EPB41L2: variants seen among roughly 807,000 people sequenced by gnomAD.
EPB41L2 encodes erythrocyte membrane protein band 4.1 like 2.
Under a neutral mutation model 113.0 loss-of-function variants are expected in EPB41L2, and 43 were observed. That is an observed-to-expected ratio of 0.38 (90% CI 0.30 to 0.49). EPB41L2 has a LOEUF of 0.49. Among genes scored for constraint, EPB41L2 ranks in the 20% least tolerant of loss-of-function variants. The pLI is 0.95. For synonymous variants in EPB41L2, 442 were observed against 436.7 expected, an observed-to-expected ratio of 1.01 and a Z score of -0.15; for missense variants, 1,147 against 1,223.4, an observed-to-expected ratio of 0.94 and a Z score of 0.93.
Position 130,840,188 on chromosome 6 carries a change from A to C in EPB41L2, c.*416T>G, listed in dbSNP as rs1373157171. ...GAAAGCCACTATCTAAATTAGTCACAGAGTTTCCTTTCTGCGCAACAGCAC... is the reference window on the plus strand; with the variant it reads ...GAAAGCCACTATCTAAATTAGTCACCGAGTTTCCTTTCTGCGCAACAGCAC... On this transcript the variant is annotated 3_prime_UTR_variant, in exon 20 of 20. Coordinates refer to ENST00000337057, the MANE Select transcript of EPB41L2 (RefSeq NM_001431.4). 1 of 152,618 alleles carries C rather than the reference A, an allele frequency of 6.6e-6. No individual in the cohort carries two copies. The allele number at this position is 152,618 out of a possible 1,614,324, so 9.5% of individuals were successfully genotyped here.
intron 19 of EPB41L2, among the ~76,000 whole-genome samples, chr6:130,851,468 G>A (rs1778761056): frequency 6.6e-6 from 1 of 152,232 alleles, no homozygotes; most frequent in Admixed American, 6.5e-5. Context: ...CGGGTGGGAT[G>A]TCTAAGAGGT....
intron 5 of EPB41L2, among the ~76,000 whole-genome samples, chr6:130,905,462 A>G (rs1797462260): frequency 6.6e-6 from 1 of 150,498 alleles, no homozygotes; most frequent in African/African-American, 2.5e-5. Context: ...TCTGTCGCCC[A>G]GGTTGCAGTG....
intron 14 of EPB41L2, among the ~76,000 whole-genome samples, chr6:130,874,551 C>G (rs544831976): frequency 6.6e-6 from 1 of 151,686 alleles, no homozygotes; most frequent in Non-Finnish European, 1.5e-5. Context: ...TAAAGAAAAA[C>G]AAAAAAGATA....
intron 8 of EPB41L2, 32 bp downstream of exon 8, chr6:130,899,459 T>G: frequency 6.3e-7 from 1 of 1,576,196 alleles, no homozygotes; most frequent in Non-Finnish European, 8.7e-7. Flanking sequence ...AACAGACTAC[T>G]ATGATGCTAC....
chr6:130,976,106 C>T (rs905633830), intron 1 of EPB41L2, among the ~76,000 whole-genome samples: 1 of 152,154 alleles, frequency 6.6e-6, no homozygotes, highest in Admixed American at 6.5e-5. Context: ...ATCTACCAAT[C>T]GTCATGCAAG....
intron 1 of EPB41L2, among the ~76,000 whole-genome samples, chr6:130,992,442 G>C (rs1043023711): frequency 6.6e-6 from 1 of 151,998 alleles, no homozygotes; most frequent in Admixed American, 6.6e-5. Flanking sequence ...GTAGTCAATG[G>C]AACATTTTAT....
intron 1 of EPB41L2, among the ~76,000 whole-genome samples, chr6:130,966,113 G>T (rs754878946): frequency 6.6e-6 from 1 of 152,102 alleles, no homozygotes; most frequent in Non-Finnish European, 1.5e-5. Flanking sequence ...AGCTTTCCTG[G>T]GCCTCCTGCG....
At position 131,060,653 on chromosome 6, in the gene EPB41L2, G is replaced by A. The variant is rs563210290; in HGVS notation, c.-15+2502C>T. On this transcript the variant is annotated intron_variant, in intron 1 of 19. Transcript: ENST00000337057. Reference sequence around the variant, plus strand: ...ACAAAACTCATTTGGAAACCTCCAAGTGCTAGCATTATCTAATGATGGACC... The same window carrying A: ...ACAAAACTCATTTGGAAACCTCCAAATGCTAGCATTATCTAATGATGGACC... Among the ~76,000 whole-genome samples the A allele has an allele frequency of 2.0e-4, 30 of 152,322 alleles. 1 individual carries two copies. The highest frequency in any genetic ancestry group is 7.2e-4 in the African/African-American group (30 of 41,564).
intron 11 of EPB41L2, among the ~76,000 whole-genome samples, 170 bp downstream of exon 11, chr6:130,890,124 A>C (rs1792301985): frequency 6.6e-6 from 1 of 152,182 alleles, no homozygotes; most frequent in Admixed American, 6.5e-5. Flanking sequence ...TCTAAAACAC[A>C]ACAAAATTAT....
chr6:131,040,465 T>C (rs1317540479), intron 1 of EPB41L2, among the ~76,000 whole-genome samples: 1 of 152,158 alleles, frequency 6.6e-6, no homozygotes, highest in African/African-American at 2.4e-5. Context: ...AAATGGTTAA[T>C]TTTAGGTATG....
chr6:130,899,379 A>T, intron 8 of EPB41L2, 112 bp downstream of exon 8: 1 of 821,934 alleles, frequency 1.2e-6, no homozygotes, highest in Non-Finnish European at 2.0e-6. Context: ...CCCTCAATTG[A>T]AAGCAAATAT....
intron 13 of EPB41L2, chr6:130,878,461 A>ACTT (rs1350193969): frequency 1.3e-5 from 6 of 479,532 alleles, no homozygotes; most frequent in Non-Finnish European, 2.2e-5. Context: ...GTCAATGCGT[A>ACTT]CTTCTTCAAT....
rs774412525 is a variant in EPB41L2 at position 130,870,143 on chromosome 6, G to T, written c.2044-17C>A. The T allele has an allele frequency of 6.3e-7, 1 of 1,576,362 alleles. No homozygotes were observed. The highest frequency in any genetic ancestry group is 1.2e-5 in the South Asian group (1 of 85,002). On this transcript the variant is annotated splice_polypyrimidine_tract_variant and intron_variant, in intron 14 of 19. Transcript: ENST00000337057. Reference sequence around the variant, plus strand: ...ATGTGAACTCTGTACAAAAAAAGATGGATGAGGGAAAACAAAAATATATGA... The same window carrying T: ...ATGTGAACTCTGTACAAAAAAAGATTGATGAGGGAAAACAAAAATATATGA...
chr6:131,021,816 T>C (rs1235714752), intron 1 of EPB41L2, among the ~76,000 whole-genome samples: 2 of 152,178 alleles, frequency 1.3e-5, no homozygotes, highest in African/African-American at 4.8e-5. Context: ...CTAAGGCACC[T>C]AGTTGGTAAG....
At chr6:130,923,816 A>T (rs1426870079) in intron 4 of EPB41L2, among the ~76,000 whole-genome samples, 5 of 152,232 alleles carry the variant, frequency 3.3e-5, no homozygotes, top group East Asian at 1.9e-4. Flanking sequence ...AGGTAGTGGG[A>T]TTATTTTTAA....
intron 1 of EPB41L2, among the ~76,000 whole-genome samples, chr6:131,032,523 G>C (rs181584265): frequency 6.6e-6 from 1 of 152,108 alleles, no homozygotes; most frequent in Non-Finnish European, 1.5e-5. Context: ...AGAACCAGTA[G>C]TGAGGCAGAG....
rs1172652447 is a variant in EPB41L2, at chr6:130,867,463, G to A, written c.2726C>T (p.Pro909Leu). The change falls in exon 16 of 20, where the codon CCA becomes CTA. Residue 909 changes from proline (P) to leucine (L), a missense_variant. Transcript: ENST00000337057. ...CCAAGTCTAGAGCTTTTGTACCTGT[G>A]GAGACTCATATGTGATGGTTTTGGT... ...TETKTITYES[P>L]QIDGGAGGDS... 13 of 1,613,772 alleles carry A rather than the reference G, an allele frequency of 8.1e-6. No individual in the cohort carries two copies. Among genetic ancestry groups the A allele is most frequent in the South Asian group, 1.1e-5 (1 of 91,082 alleles).
Position 130,866,955 on chromosome 6 carries a change from T to A in EPB41L2, c.2730+504A>T, listed in dbSNP as rs1467492611. 2.0e-5 allele frequency among the ~76,000 whole-genome samples: 3 copies of A among 152,052 alleles called. No individual in the cohort carries two copies. In the East Asian group the frequency reaches 5.8e-4, roughly 29 times the overall value. ...ATTCCACACGAAGGAGAAGCACAGG[T>A]GTGTGTGCCTGTGTGTGTTTGTGTG... On this transcript the variant is annotated intron_variant, in intron 16 of 19. Coordinates refer to ENST00000337057, the MANE Select transcript of EPB41L2 (RefSeq NM_001431.4).
chr6:130,998,705 G>C (rs1783698412), intron 1 of EPB41L2, among the ~76,000 whole-genome samples: 1 of 152,118 alleles, frequency 6.6e-6, no homozygotes. Flanking sequence ...TCTGATTACA[G>C]TAAATAAAAC....
Sources: gnomAD v4.1 joint callset for allele counts (sites outside exome capture counted in the v4.1 genomes callset) on GRCh38, gnomAD v4.1.1 for gene constraint, MANE v1.5 for transcripts, NCBI Gene and HGNC (gene_info 2026-07-23, HGNC 2026-07-21) for gene names.